The following BEAN1 variants were observed in gnomAD, a reference collection of about 807,000 sequenced individuals.
The protein encoded by BEAN1 is protein BEAN1.
BEAN1 carries 17 observed loss-of-function variants against 17.7 expected under a neutral mutation model. That is an observed-to-expected ratio of 0.96 (90% CI 0.66 to 1.44). BEAN1 has a LOEUF of 1.44. BEAN1 is among the 40% of genes most tolerant of loss of function. The pLI, the probability that BEAN1 is intolerant of heterozygous loss-of-function variation, is 0.00. For missense variants in BEAN1, 359 were observed against 374.1 expected (o/e 0.96, Z 0.33); for synonymous variants, 142 against 151.8 (o/e 0.94, Z 0.47).
chr16:66,486,242 T>G (rs1410869767), downstream of BEAN1, among the ~76,000 whole-genome samples: 1 of 152,136 alleles, frequency 6.6e-6, no homozygotes, highest in Non-Finnish European at 1.5e-5. Context: ...TTGTTGTTTG[T>G]TTTTGAGTCA....
rs942242474 is a variant in BEAN1, at chr16:66,480,978, T to C, written c.*53T>C. ...TCCCTACAGGCTGAACCACATTCTTTAGGCACACAAAGGCGTGCACACACA... is the reference window on the plus strand; with the variant it reads ...TCCCTACAGGCTGAACCACATTCTTCAGGCACACAAAGGCGTGCACACACA... On this transcript the variant is annotated 3_prime_UTR_variant, in exon 5 of 5. Coordinates refer to ENST00000536005, the MANE Select transcript of BEAN1 (RefSeq NM_001178020.3). 8.8e-5 allele frequency: 119 copies of C among 1,350,710 alleles called. No homozygotes were observed. Among genetic ancestry groups the C allele is most frequent in the Non-Finnish European group, 1.1e-4 (112 of 1,019,172 alleles). 83.7% of individuals were successfully genotyped at this position (1,350,710 alleles called of 1,614,324 possible). A position where few individuals can be genotyped will look rare whatever the true frequency, so the allele number is the denominator to read the frequency against.
At chr16:66,442,220 G>A (rs1962285368) in intron 2 of BEAN1, among the ~76,000 whole-genome samples, 1 of 152,216 alleles carries the variant, frequency 6.6e-6, no homozygotes. Context: ...GGCTGGAGGT[G>A]GAGGAGCCTT....
At chr16:66,494,057 G>C (rs2142492755), downstream of BEAN1, among the ~76,000 whole-genome samples, 1 of 152,266 alleles carries the variant, frequency 6.6e-6, no homozygotes, top group African/African-American at 2.4e-5. Flanking sequence ...AGTGGGGGCT[G>C]GTGGCACCAG....
chr16:66,456,681 T>C (rs766873237), intron 2 of BEAN1, among the ~76,000 whole-genome samples: 2 of 152,242 alleles, frequency 1.3e-5, no homozygotes, highest in Non-Finnish European at 2.9e-5. Flanking sequence ...TGCCATTTGC[T>C]CTGCAGAAAT....
At chr16:66,487,026 G>C (rs1002993726), downstream of BEAN1, among the ~76,000 whole-genome samples, 1 of 152,198 alleles carries the variant, frequency 6.6e-6, no homozygotes, top group Admixed American at 6.5e-5. Flanking sequence ...CAGGGAGGGG[G>C]CTTGGACCAG....
chr16:66,447,567 C>T lies in BEAN1; in HGVS notation c.25+9866C>T, dbSNP rs530266148. ...CCCAGGGAGAGAACACATCTTCTCT[C>T]TCCCTTCCCTACCAGCCCCAGGTTG... is the stretch of plus-strand genomic sequence containing the variant. On this transcript the variant is annotated intron_variant, in intron 2 of 4. Coordinates refer to ENST00000536005, the MANE Select transcript of BEAN1 (RefSeq NM_001178020.3). Among the ~76,000 whole-genome samples the T allele has an allele frequency of 1.3e-5, 2 of 152,332 alleles. 1 individual carries two copies. Among genetic ancestry groups the T allele is most frequent in the Admixed American group, 1.3e-4 (2 of 15,308 alleles).
chr16:66,434,635 G>A lies in BEAN1; in HGVS notation c.-82-2960G>A, dbSNP rs1025494774. 2.0e-5 allele frequency among the ~76,000 whole-genome samples: 3 copies of A among 152,186 alleles called. No individual in the cohort carries two copies. The highest frequency in any genetic ancestry group is 2.9e-5 in the Non-Finnish European group (2 of 68,036). ...GGGGTGCTAGGAGGTTGCAGCGGGA[G>A]GCTGTGTTTAAAGTGCTGATGGCAT... is the stretch of plus-strand genomic sequence containing the variant. On this transcript the variant is annotated intron_variant, in intron 1 of 4. Transcript: ENST00000536005. The surrounding 1 kb of genome is among the most constrained non-coding windows in gnomAD (Gnocchi z 4.3).
At chr16:66,478,020 T>G in intron 4 of BEAN1, 15 of 232,556 alleles carry the variant, frequency 6.5e-5, no homozygotes, top group Non-Finnish European at 1.0e-4. Context: ...CTGTTCTGAA[T>G]TCCCTGGGGA....
intron 2 of BEAN1, among the ~76,000 whole-genome samples, chr16:66,465,837 T>A (rs900265130): frequency 6.6e-6 from 1 of 152,266 alleles, no homozygotes; most frequent in East Asian, 1.9e-4. Context: ...TGTGTATTTC[T>A]TGGAATTTGC....
At chr16:66,479,419 G>C (rs1488240234) in intron 4 of BEAN1, among the ~76,000 whole-genome samples, 3 of 152,096 alleles carry the variant, frequency 2.0e-5, no homozygotes, top group Admixed American at 2.0e-4. Context: ...CCTCCATTGT[G>C]GTCAGGCACC....
At chr16:66,444,648 G>A (rs1227411724) in intron 2 of BEAN1, among the ~76,000 whole-genome samples, 1 of 152,254 alleles carries the variant, frequency 6.6e-6, no homozygotes, top group East Asian at 1.9e-4. Context: ...GCTGTGTTTT[G>A]GAGCACACAG....
In BEAN1 at chr16:66,481,051, T is replaced by TTTTTTTAATG; in HGVS notation, c.*126_*127insTTTTTTAATG. On this transcript the variant is annotated 3_prime_UTR_variant, in exon 5 of 5. Coordinates refer to ENST00000536005, the MANE Select transcript of BEAN1 (RefSeq NM_001178020.3). The surrounding 1 kb of genome is among the most constrained non-coding windows in gnomAD (Gnocchi z 4.1). ...ATAACACACACATAGACCAAACTTGTATACACACAGACATCTACACTGACA... is the reference window on the plus strand; with the variant it reads ...ATAACACACACATAGACCAAACTTGTTTTTTTAATGATACACACAGACATCTACACTGACA... The TTTTTTTAATG allele has an allele frequency of 1.4e-6, 1 of 691,070 alleles. No individual in the cohort carries two copies. The highest frequency in any genetic ancestry group is 2.2e-6 in the Non-Finnish European group (1 of 460,728). The allele number at this position is 691,070 out of a possible 1,614,324, so 42.8% of individuals were successfully genotyped here.
chr16:66,480,534 G>C (rs1304283828), intron 4 of BEAN1, 52 bp from the exon 5 acceptor site: 15 of 1,392,684 alleles, frequency 1.1e-5, no homozygotes, highest in Non-Finnish European at 1.5e-5. Flanking sequence ...CTTTGGGAGA[G>C]ACCCAGCCCT....
chr16:66,474,704 GA>G (rs916149702), intron 3 of BEAN1, among the ~76,000 whole-genome samples: 47 of 143,482 alleles, frequency 3.3e-4, no homozygotes, highest in African/African-American at 9.4e-4. Context: ...AGAAGAGAGA[GA>G]AAAAAAGGAG....
rs1184046219 is a variant in BEAN1 at position 66,477,649 on chromosome 16, A to G, written c.379A>G (p.Ser127Gly). ...SEDWPPPLDI[S>G]SDGDVDATVL... ...GGACTGGCCCCCACCCTTGGACATC[A>G]GCTCTGACGGGGACGTGGATGCCAC... Residue 127 changes from serine to glycine, a missense_variant, in exon 4 of 5, where the codon AGC becomes GGC. Transcript: ENST00000536005. 6.4e-7 allele frequency: 1 copy of G among 1,550,890 alleles called. No homozygotes were observed. The highest frequency in any genetic ancestry group is 8.7e-7 in the Non-Finnish European group (1 of 1,146,658).
At chr16:66,443,224 G>A (rs1218173964) in intron 2 of BEAN1, among the ~76,000 whole-genome samples, 3 of 152,240 alleles carry the variant, frequency 2.0e-5, no homozygotes, top group Non-Finnish European at 4.4e-5. Context: ...CTGTCTCTGA[G>A]GGTTGCTGTG....
intron 2 of BEAN1, among the ~76,000 whole-genome samples, chr16:66,459,223 C>A (rs560321243): frequency 1.3e-4 from 20 of 152,348 alleles, no homozygotes; most frequent in African/African-American, 4.6e-4. Flanking sequence ...CCTGCCTCTG[C>A]CCATTCTGTC....
chr16:66,489,704 A>G (rs1964138865), intron 4 of BEAN1, among the ~76,000 whole-genome samples: 1 of 152,184 alleles, frequency 6.6e-6, no homozygotes, highest in South Asian at 2.1e-4. Flanking sequence ...CAAGGTTGCA[A>G]CGGGCAGCAC....
At chr16:66,489,517 C>A (rs968094121) in intron 4 of BEAN1, among the ~76,000 whole-genome samples, 2 of 152,186 alleles carry the variant, frequency 1.3e-5, no homozygotes, top group African/African-American at 4.8e-5. Flanking sequence ...CTGGACCTAA[C>A]ATTTCTGATG....
Sources: gnomAD v4.1 joint callset for allele counts (sites outside exome capture counted in the v4.1 genomes callset) on GRCh38, gnomAD v4.1.1 for gene constraint, Gnocchi (gnomAD v3.1) non-coding constraint, MANE v1.5 for transcripts, NCBI Gene and HGNC (gene_info 2026-07-23, HGNC 2026-07-21) for gene names.